Variants in TTPAL observed in about 807,000 individuals in gnomAD.
TTPAL encodes alpha tocopherol transfer protein like, also known as alpha-tocopherol transfer protein-like.
Under a neutral mutation model 28.7 loss-of-function variants are expected in TTPAL, and 21 were observed. The observed-to-expected ratio is 0.73, with a 90% CI of 0.52 to 1.06. The LOEUF is 1.06. Ranked by LOEUF, TTPAL falls within the 50% of genes least tolerant of loss-of-function variation. The pLI, the probability that TTPAL is intolerant of heterozygous loss-of-function variation, is 0.00. For missense variants in TTPAL, 345 were observed against 425.5 expected (o/e 0.81, Z 1.67); for synonymous variants, 169 against 171.9 (o/e 0.98, Z 0.13).
chr20:44,479,194 T>G (rs2064075690), intron 1 of TTPAL, among the ~76,000 whole-genome samples: 1 of 152,186 alleles, frequency 6.6e-6, no homozygotes, highest in Non-Finnish European at 1.5e-5. Context: ...TTTATCATTA[T>G]AATCAATACT....
In TTPAL at chr20:44,480,097, G is replaced by A. The variant is rs1052450039; in HGVS notation, c.98G>A (p.Cys33Tyr). 2 of 1,614,054 alleles carry A rather than the reference G, an allele frequency of 1.2e-6. No homozygotes were observed. The highest frequency in any genetic ancestry group is 1.7e-6 in the Non-Finnish European group (2 of 1,180,042). The change falls in exon 2 of 5, where the codon TGC becomes TAC. Residue 33 changes from cysteine to tyrosine, a missense_variant. Cys to Tyr is a radical substitution (Grantham distance 194, BLOSUM62 -2). Transcript: ENST00000262605. The surrounding 1 kb of genome is among the most constrained non-coding windows in gnomAD (Gnocchi z 4.1). ...CCACCTGAGCCTCCGGGCTATGTGT[G>A]CTCACTGACAGAAGACCTGGTCACC... ...PPPPEPPGYV[C>Y]SLTEDLVTKA...
rs2064134807 is a variant in TTPAL, at chr20:44,484,520, G to A, written c.629G>A (p.Gly210Asp). The change falls in exon 3 of 5, where the codon GGC (glycine) becomes GAC (aspartate). Residue 210 changes from glycine (G) to aspartate (D), a missense_variant. By Grantham distance (94) the Gly-to-Asp change is moderately conservative. Transcript: ENST00000262605. ...CCTTTTATAGCCAAAAAGGTGATTG[G>A]CATCCTCCAGGTAAGACCCGTATGT... Reference protein sequence around the residue: ...FGPFIAKKVIGILQDGFPIRI... With the variant: ...FGPFIAKKVIDILQDGFPIRI... The A allele has an allele frequency of 6.4e-7, 1 of 1,574,794 alleles. No homozygotes were observed. Among genetic ancestry groups the A allele is most frequent in the Non-Finnish European group, 8.7e-7 (1 of 1,148,732 alleles).
chr20:44,480,231 G>T lies in TTPAL; in HGVS notation c.232G>T (p.Asp78Tyr). 1 of 1,614,154 alleles carries T rather than the reference G, an allele frequency of 6.2e-7. No individual in the cohort carries two copies. Among genetic ancestry groups the T allele is most frequent in the Non-Finnish European group, 8.5e-7 (1 of 1,180,022 alleles). Reference sequence around the variant, plus strand: ...CCCCAACCTGAGCACATCCCTCGACGATGCCTTCCTGCTGCGCTTCCTCCG... The same window carrying T: ...CCCCAACCTGAGCACATCCCTCGACTATGCCTTCCTGCTGCGCTTCCTCCG... ...EYPNLSTSLD[D>Y]AFLLRFLRAR... The change falls in exon 2 of 5, where the codon GAT becomes TAT. Residue 78 changes from aspartate (D) to tyrosine (Y), a missense_variant. Coordinates refer to ENST00000262605, the MANE Select transcript of TTPAL (RefSeq NM_001039199.3). The surrounding 1 kb of genome is among the most constrained non-coding windows in gnomAD (Gnocchi z 4.1).
chr20:44,488,783 G>A (rs2064175960), intron 4 of TTPAL, among the ~76,000 whole-genome samples: 1 of 152,202 alleles, frequency 6.6e-6, no homozygotes, highest in African/African-American at 2.4e-5. Flanking sequence ...GGTCAAGACT[G>A]GAGGGGCAGG....
In TTPAL at chr20:44,489,615, T is replaced by C. The variant is rs1260908512; in HGVS notation, c.*74T>C. 1 of 1,459,084 alleles carries C rather than the reference T, an allele frequency of 6.9e-7. No individual in the cohort carries two copies. Among genetic ancestry groups the C allele is most frequent in the African/African-American group, 1.4e-5 (1 of 71,208 alleles). The allele number at this position is 1,459,084 out of a possible 1,614,324, so 90.4% of individuals were successfully genotyped here. A position where few individuals can be genotyped will look rare whatever the true frequency, so the allele number is the denominator to read the frequency against. ...GAGAGGCACAAGGAGAATTTAAGGG[T>C]CCATGGATTCAGTCTTGCTCCTTGT... On this transcript the variant is annotated 3_prime_UTR_variant, in exon 5 of 5. Transcript: ENST00000262605.
At position 44,484,505 on chromosome 20, in the gene TTPAL, C is replaced by T. The variant is rs1568771095; in HGVS notation, c.614C>T (p.Ala205Val). The change falls in exon 3 of 5, where the codon GCC becomes GTC. Residue 205 changes from alanine (A) to valine (V), a missense_variant. Ala to Val is a moderately conservative substitution (Grantham distance 64). Transcript: ENST00000262605. The part of the protein sequence containing the change: ...SKASHFGPFI[A>V]KKVIGILQDG... ...GCATCTCACTTTGGCCCTTTTATAG[C>T]CAAAAAGGTGATTGGCATCCTCCAG... The T allele has an allele frequency of 1.9e-6, 3 of 1,578,738 alleles. No homozygotes were observed. The highest frequency in any genetic ancestry group is 1.7e-5 in the Admixed American group (1 of 59,344).
intron 1 of TTPAL, among the ~76,000 whole-genome samples, chr20:44,477,639 CTATCTATTTATTTATT>C (rs1192544225): frequency 6.7e-5 from 10 of 150,170 alleles, no homozygotes; most frequent in African/African-American, 1.7e-4. Context: ...ATTTATCTAT[CTATCTATTTATTTATT>C]TATTTATTTA....
intron 1 of TTPAL, among the ~76,000 whole-genome samples, chr20:44,476,267 G>C (rs747484339): frequency 6.6e-5 from 10 of 152,192 alleles, no homozygotes; most frequent in Non-Finnish European, 1.5e-4. Flanking sequence ...GCTCCAGGTG[G>C]GGGAGATCTT....
rs751434535 is a variant in TTPAL, at chr20:44,480,468, G to A, written c.445+24G>A. 2 of 1,560,714 alleles carry A rather than the reference G, an allele frequency of 1.3e-6. No individual in the cohort carries two copies. The highest frequency in any genetic ancestry group is 1.4e-5 in the African/African-American group (1 of 73,700). On this transcript the variant is annotated intron_variant, in intron 2 of 4. Coordinates refer to ENST00000262605, the MANE Select transcript of TTPAL (RefSeq NM_001039199.3). The surrounding 1 kb of genome is among the most constrained non-coding windows in gnomAD (Gnocchi z 4.1). ...AGGTATCTCCCTAGACTGTTGTGGG[G>A]TGTGTGTGTCCAGTCCTTCTGCAGT...
rs2123004690 is a variant in TTPAL at position 44,494,072 on chromosome 20, T to A, written c.*4531T>A. 6.6e-6 allele frequency: 1 copy of A among 152,126 alleles called. No individual in the cohort carries two copies. Among genetic ancestry groups the A allele is most frequent in the Admixed American group, 6.5e-5 (1 of 15,270 alleles). The allele number at this position is 152,126 out of a possible 1,614,324, so 9.4% of individuals were successfully genotyped here. A position where few individuals can be genotyped will look rare whatever the true frequency, so the allele number is the denominator to read the frequency against. On this transcript the variant is annotated 3_prime_UTR_variant, in exon 5 of 5. Transcript: ENST00000262605. ...AATTCATTCTTCTGCTCTCCTGACT[T>A]AGAGAAATGGTTTGCTTAAAATGCT...
At position 44,492,528 on chromosome 20, in the gene TTPAL, G is replaced by GT. The variant is rs2064216525; in HGVS notation, c.*2988dup. Reference sequence around the variant, plus strand: ...ATCTATACTCCAAACTTTATTCCTGGTATCTAGTTGGCTTCACTGCCACAG... The same window carrying GT: ...ATCTATACTCCAAACTTTATTCCTGGTTATCTAGTTGGCTTCACTGCCACAG... On this transcript the variant is annotated 3_prime_UTR_variant, in exon 5 of 5. Coordinates refer to ENST00000262605, the MANE Select transcript of TTPAL (RefSeq NM_001039199.3). 6.6e-6 allele frequency: 1 copy of GT among 151,876 alleles called. No homozygotes were observed. The highest frequency in any genetic ancestry group is 1.5e-5 in the Non-Finnish European group (1 of 67,932). 9.4% of individuals were successfully genotyped at this position (151,876 alleles called of 1,614,324 possible).
In TTPAL at chr20:44,494,493, T is replaced by G. The variant is rs2123010275; in HGVS notation, c.*4952T>G. The G allele has an allele frequency of 6.5e-6, 1 of 152,914 alleles. No individual in the cohort carries two copies. The highest frequency in any genetic ancestry group is 2.1e-4 in the South Asian group (1 of 4,830). The allele number at this position is 152,914 out of a possible 1,614,324, so 9.5% of individuals were successfully genotyped here. On this transcript the variant is annotated 3_prime_UTR_variant, in exon 5 of 5. Coordinates refer to ENST00000262605, the MANE Select transcript of TTPAL (RefSeq NM_001039199.3). ...GATTCATGTACTTCAGTGTTTGTTT[T>G]GACCAAAGTTTATTTTTCTAGTGCA...
intron 4 of TTPAL, among the ~76,000 whole-genome samples, chr20:44,487,277 CAAA>C (rs11299040): frequency 8.3e-6 from 1 of 120,568 alleles, no homozygotes. Context: ...GAGACTGTCT[CAAA>C]AAAAAAAAAA....
At chr20:44,488,940 T>C (rs2064177708) in intron 4 of TTPAL, among the ~76,000 whole-genome samples, 1 of 151,748 alleles carries the variant, frequency 6.6e-6, no homozygotes, top group Non-Finnish European at 1.5e-5. Context: ...GGGACAAGAG[T>C]GGGAGCAGGG....
At position 44,493,282 on chromosome 20, in the gene TTPAL, CAAAAAT is replaced by C. The variant is rs1370593758; in HGVS notation, c.*3748_*3753del. On this transcript the variant is annotated 3_prime_UTR_variant, in exon 5 of 5. Transcript: ENST00000262605. The stretch of plus-strand genomic sequence containing the variant: ...CTGGGTGACGAGTGAAACTCCATCT[CAAAAAT>C]AAAAATTGAAAAATCAGGTTACAAA... 6.6e-6 allele frequency: 1 copy of C among 152,148 alleles called. No individual in the cohort carries two copies. Among genetic ancestry groups the C allele is most frequent in the Non-Finnish European group, 1.5e-5 (1 of 68,018 alleles). 9.4% of individuals were successfully genotyped at this position (152,148 alleles called of 1,614,324 possible). A position where few individuals can be genotyped will look rare whatever the true frequency, so the allele number is the denominator to read the frequency against.
Position 44,489,717 on chromosome 20 carries a change from A to G in TTPAL, c.*176A>G. 6 of 643,896 alleles carry G rather than the reference A, an allele frequency of 9.3e-6. No homozygotes were observed. Among genetic ancestry groups the G allele is most frequent in the Non-Finnish European group, 1.6e-5 (6 of 382,748 alleles). 39.9% of individuals were successfully genotyped at this position (643,896 alleles called of 1,614,324 possible). The stretch of plus-strand genomic sequence containing the variant: ...TTGGGGTAAGCCTTTGGTTACTTTA[A>G]TTACTCCATGGAAGACATGGAAAAT... On this transcript the variant is annotated 3_prime_UTR_variant, in exon 5 of 5. Coordinates refer to ENST00000262605, the MANE Select transcript of TTPAL (RefSeq NM_001039199.3).
intron 2 of TTPAL, among the ~76,000 whole-genome samples, chr20:44,481,084 C>T (rs6031621): frequency 6.6e-6 from 1 of 152,224 alleles, no homozygotes; most frequent in African/African-American, 2.4e-5. Context: ...TCCTCTGTGC[C>T]TCCTCCAACC....
chr20:44,486,745 C>G, intron 4 of TTPAL, 39 bp downstream of exon 4: 1 of 1,247,154 alleles, frequency 8.0e-7, no homozygotes, highest in Non-Finnish European at 1.1e-6. Context: ...TTTTCTTTTC[C>G]TCTGTTGATT....
chr20:44,487,350 G>A (rs1209064309), intron 4 of TTPAL, among the ~76,000 whole-genome samples: 2 of 152,160 alleles, frequency 1.3e-5, no homozygotes, highest in East Asian at 3.8e-4. Flanking sequence ...GCTGAGGTGG[G>A]AGGACTGCTT....
Sources: allele counts gnomAD v4.1 joint callset (sites outside exome capture counted in the v4.1 genomes callset), GRCh38; gene constraint gnomAD v4.1.1; non-coding constraint Gnocchi (gnomAD v3.1); transcripts MANE v1.5; gene names NCBI Gene and HGNC (gene_info 2026-07-23, HGNC 2026-07-21).